CTNNA3: variants seen among roughly 807,000 people sequenced by gnomAD.
The protein encoded by CTNNA3 is catenin alpha 3, also known as catenin alpha-3.
A neutral mutation model predicts 95.7 loss-of-function variants in CTNNA3; 76 were observed. That is an observed-to-expected ratio of 0.79 (90% CI 0.66 to 0.96). The LOEUF is 0.96. Among genes scored for constraint, CTNNA3 ranks in the 40% least tolerant of loss-of-function variants. The pLI is 0.00. For synonymous variants in CTNNA3, 431 were observed against 374.4 expected (o/e 1.15, Z -1.74); for missense variants, 1,191 against 1,089.8 (o/e 1.09, Z -1.31).
intron 7 of CTNNA3, chr10:66,926,624 A>T (rs1847089687): frequency 6.2e-7 from 1 of 1,603,954 alleles, no homozygotes; most frequent in African/African-American, 1.3e-5. Flanking sequence ...CTTCTTAAAA[A>T]CAAAAAACAA....
chr10:67,205,875 C>T (rs10823007), intron 6 of CTNNA3, among the ~76,000 whole-genome samples: 25,937 of 152,034 alleles, frequency 0.17, 3,101 homozygotes, highest in African/African-American at 0.34. Context: ...CCCTTTGAAA[C>T]GTATGTAAAT....
At chr10:66,984,721 C>T (rs1268993318) in intron 7 of CTNNA3, among the ~76,000 whole-genome samples, 1 of 152,010 alleles carries the variant, frequency 6.6e-6, no homozygotes, top group African/African-American at 2.4e-5. Flanking sequence ...TAAAGTCACA[C>T]TTAAATGACT....
At chr10:65,945,544 C>T (rs1392436460) in intron 17 of CTNNA3, among the ~76,000 whole-genome samples, 1 of 152,248 alleles carries the variant, frequency 6.6e-6, no homozygotes, top group Non-Finnish European at 1.5e-5. Context: ...CAGAATAATA[C>T]ATTGAGAATG....
intron 11 of CTNNA3, among the ~76,000 whole-genome samples, chr10:66,448,816 T>G (rs1273269157): frequency 2.0e-5 from 3 of 152,010 alleles, no homozygotes; most frequent in Non-Finnish European, 4.4e-5. Context: ...ACCCTAAAAC[T>G]TAAAGTGTAA....
chr10:66,364,978 G>C (rs1016068528), intron 12 of CTNNA3, among the ~76,000 whole-genome samples: 1 of 152,046 alleles, frequency 6.6e-6, no homozygotes, highest in African/African-American at 2.4e-5. Context: ...AAGGATCCCT[G>C]GTAAGATGTG....
At chr10:66,245,567 A>C (rs1013895404) in intron 13 of CTNNA3, among the ~76,000 whole-genome samples, 5 of 152,196 alleles carry the variant, frequency 3.3e-5, no homozygotes, top group African/African-American at 1.2e-4. Context: ...ATAACAGCTC[A>C]CAGAAGTCCC....
rs2077020386 is a variant in CTNNA3, at chr10:65,917,406, G to C, written c.*2924C>G. The C allele has an allele frequency of 1.3e-5, 2 of 151,140 alleles. No homozygotes were observed. Among genetic ancestry groups the C allele is most frequent in the Non-Finnish European group, 1.5e-5 (1 of 67,884 alleles). 9.4% of individuals were successfully genotyped at this position (151,140 alleles called of 1,614,324 possible). A position where few individuals can be genotyped will look rare whatever the true frequency, so the allele number is the denominator to read the frequency against. On this transcript the variant is annotated 3_prime_UTR_variant, in exon 18 of 18. Transcript: ENST00000433211. ...TTTCTATTTCTCACTTTTTATATTT[G>C]ATAGAAATCTTCAAATTTCTCTAAT...
At chr10:67,480,821 C>A (rs779011773) in intron 5 of CTNNA3, among the ~76,000 whole-genome samples, 1 of 152,140 alleles carries the variant, frequency 6.6e-6, no homozygotes, top group Non-Finnish European at 1.5e-5. Context: ...TCCTCTAACG[C>A]CGCTGGGTTG....
chr10:67,665,434 C>G (rs763162247), intron 1 of CTNNA3: 8 of 152,206 alleles, frequency 5.3e-5, no homozygotes, highest in Non-Finnish European at 4.4e-5. Flanking sequence ...GAAATAATGT[C>G]CTTTCATTTC....
intron 15 of CTNNA3, among the ~76,000 whole-genome samples, chr10:66,037,436 T>G (rs1003878270): frequency 3.3e-5 from 5 of 152,296 alleles, no homozygotes; most frequent in African/African-American, 1.2e-4. Flanking sequence ...GTTGCCAAGC[T>G]TCTCATAGGA....
intron 15 of CTNNA3, among the ~76,000 whole-genome samples, chr10:66,017,217 T>C (rs955542512): frequency 6.6e-6 from 1 of 152,170 alleles, no homozygotes; most frequent in African/African-American, 2.4e-5. Flanking sequence ...ATATGCTTCT[T>C]GTACTTTTTG....
chr10:67,672,382 T>C (rs1840454161), intron 1 of CTNNA3, among the ~76,000 whole-genome samples: 1 of 152,222 alleles, frequency 6.6e-6, no homozygotes, highest in African/African-American at 2.4e-5. Flanking sequence ...CATTTGTCAA[T>C]TTTGGCTTTT....
At chr10:66,405,852 C>A (rs2093053101) in intron 11 of CTNNA3, among the ~76,000 whole-genome samples, 1 of 152,176 alleles carries the variant, frequency 6.6e-6, no homozygotes, top group South Asian at 2.1e-4. Flanking sequence ...CAAGTCTACT[C>A]CCTTGGACAG....
At chr10:66,930,890 C>T (rs1270383749) in intron 7 of CTNNA3, among the ~76,000 whole-genome samples, 2 of 152,062 alleles carry the variant, frequency 1.3e-5, no homozygotes, top group Non-Finnish European at 2.9e-5. Context: ...AAAGTTCTTT[C>T]TTTCTCCTCA....
chr10:67,459,156 G>A (rs557549737), intron 5 of CTNNA3, among the ~76,000 whole-genome samples: 7 of 152,278 alleles, frequency 4.6e-5, no homozygotes, highest in African/African-American at 1.7e-4. Flanking sequence ...AGTGCCATCA[G>A]TAGAAACTCA....
intron 11 of CTNNA3, among the ~76,000 whole-genome samples, chr10:66,456,827 C>T (rs1285656113): frequency 6.6e-6 from 1 of 152,076 alleles, no homozygotes; most frequent in African/African-American, 2.4e-5. Context: ...GGGGTGGTGG[C>T]TCATGTCTGT....
At chr10:66,459,273 T>C (rs1470729397) in intron 11 of CTNNA3, among the ~76,000 whole-genome samples, 1 of 152,182 alleles carries the variant, frequency 6.6e-6, no homozygotes, top group Non-Finnish European at 1.5e-5. Context: ...CTGTGTTAAA[T>C]GGCTGCTATG....
intron 16 of CTNNA3, among the ~76,000 whole-genome samples, chr10:65,987,040 T>C (rs1465206915): frequency 6.6e-6 from 1 of 151,898 alleles, no homozygotes; most frequent in Non-Finnish European, 1.5e-5. Context: ...CCTTTCACCA[T>C]ATGGAAAAAT....
chr10:66,764,236 A>C (rs1294529245), intron 9 of CTNNA3, among the ~76,000 whole-genome samples: 1 of 152,198 alleles, frequency 6.6e-6, no homozygotes, highest in Non-Finnish European at 1.5e-5. Context: ...TTATTCTTTC[A>C]AAATTCACAT....
Sources: allele counts gnomAD v4.1 joint callset (sites outside exome capture counted in the v4.1 genomes callset), GRCh38; gene constraint gnomAD v4.1.1; transcripts MANE v1.5; gene names NCBI Gene and HGNC (gene_info 2026-07-23, HGNC 2026-07-21).